APBB2: variants seen among roughly 807,000 people sequenced by gnomAD.
APBB2 encodes amyloid beta precursor protein binding family B member 2.
APBB2 carries 38 observed loss-of-function variants against 82.5 expected under a neutral mutation model. That is an observed-to-expected ratio of 0.46 (90% CI 0.36 to 0.60). The LOEUF (loss-of-function observed/expected upper bound fraction) is 0.60, where lower values mean the gene tolerates loss of function less well. Ranked by LOEUF, APBB2 falls within the 20% of genes least tolerant of loss-of-function variation. APBB2 has a pLI of 0.00. For synonymous variants in APBB2, 341 were observed against 368.2 expected (o/e 0.93, Z 0.85); for missense variants, 772 against 972.3 (o/e 0.79, Z 2.74).
At chr4:41,062,751 G>T (rs1399750740) in intron 4 of APBB2, among the ~76,000 whole-genome samples, 1 of 152,156 alleles carries the variant, frequency 6.6e-6, no homozygotes, top group African/African-American at 2.4e-5. Flanking sequence ...CTCAGCAGAG[G>T]CCTCGGGGCA....
chr4:41,049,957 A>G (rs1725331467), intron 4 of APBB2, among the ~76,000 whole-genome samples: 1 of 152,062 alleles, frequency 6.6e-6, no homozygotes, highest in Non-Finnish European at 1.5e-5. Flanking sequence ...CCTAATCTCA[A>G]GTACCCAGGG....
intron 6 of APBB2, among the ~76,000 whole-genome samples, chr4:40,985,132 C>T (rs2154406659): frequency 6.6e-6 from 1 of 152,022 alleles, no homozygotes; most frequent in South Asian, 2.1e-4. Flanking sequence ...CCAGGCTGGT[C>T]TCAGACTTCT....
intron 3 of APBB2, among the ~76,000 whole-genome samples, 175 bp downstream of exon 3, chr4:41,100,463 GT>G (rs34128168): frequency 0.24 from 35,896 of 147,696 alleles, 4,607 homozygotes; most frequent in Non-Finnish European, 0.3. Context: ...TCTCTTGCAA[GT>G]TTTTTTTTTT....
chr4:40,862,589 C>T (rs1763012092), intron 12 of APBB2, among the ~76,000 whole-genome samples: 1 of 152,140 alleles, frequency 6.6e-6, no homozygotes, highest in South Asian at 2.1e-4. Context: ...AGCCGGGCAC[C>T]GCGGCTCACG....
At chr4:40,979,949 T>C (rs901213181) in intron 6 of APBB2, among the ~76,000 whole-genome samples, 12 of 152,222 alleles carry the variant, frequency 7.9e-5, no homozygotes, top group Admixed American at 2.0e-4. Flanking sequence ...TATGCGGCAA[T>C]AGAAAACTAA....
intron 4 of APBB2, among the ~76,000 whole-genome samples, chr4:41,051,184 A>T (rs1009117516): frequency 6.6e-6 from 1 of 152,182 alleles, no homozygotes; most frequent in Non-Finnish European, 1.5e-5. Flanking sequence ...TCCTGAGCTC[A>T]CACCCACAGA....
chr4:40,936,703 T>C (rs1374964270), intron 7 of APBB2, among the ~76,000 whole-genome samples: 3 of 152,240 alleles, frequency 2.0e-5, no homozygotes, highest in Non-Finnish European at 4.4e-5. Flanking sequence ...AATGGGAACT[T>C]AGACCACTAT....
chr4:40,973,998 C>T (rs73152361), intron 6 of APBB2, among the ~76,000 whole-genome samples: 39,608 of 151,680 alleles, frequency 0.26, 6,366 homozygotes, highest in East Asian at 0.57. Flanking sequence ...ATTACAGGCA[C>T]GCGCCACCAC....
In APBB2 at chr4:40,842,346, G is replaced by C. The variant is rs1455977108; in HGVS notation, c.1530-11769C>G. On this transcript the variant is annotated intron_variant, in intron 12 of 17. Coordinates refer to ENST00000508593, the MANE Select transcript of APBB2 (RefSeq NM_004307.2). ...ACACGTTAAGACACCACGAAGGGGG[G>C]AGAAGTGAAAATCGGCCGGTTACCT... 1.1e-4 allele frequency: 49 copies of C among 455,478 alleles called. No homozygotes were observed. In the Admixed American group the frequency reaches 1.2e-3, roughly 11 times the overall value. The allele number at this position is 455,478 out of a possible 1,614,324, so 28.2% of individuals were successfully genotyped here. A position where few individuals can be genotyped will look rare whatever the true frequency, so the allele number is the denominator to read the frequency against.
intron 6 of APBB2, among the ~76,000 whole-genome samples, chr4:40,993,245 G>A (rs34585974): frequency 0.3 from 46,015 of 151,780 alleles, 7,579 homozygotes; most frequent in East Asian, 0.54. Context: ...TAAATATTCA[G>A]TGTTCATAGT....
At chr4:41,106,698 G>A (rs1353845477) in intron 2 of APBB2, among the ~76,000 whole-genome samples, 2 of 152,058 alleles carry the variant, frequency 1.3e-5, no homozygotes, top group African/African-American at 2.4e-5. Flanking sequence ...GGATGGTCTC[G>A]ATCTCCTGAC....
chr4:41,120,493 G>A (rs1339885752), intron 2 of APBB2, among the ~76,000 whole-genome samples: 2 of 152,136 alleles, frequency 1.3e-5, no homozygotes, highest in Non-Finnish European at 2.9e-5. Flanking sequence ...CAAAACTTAC[G>A]GGAAATTCAA....
chr4:40,863,136 C>T (rs752546183), intron 12 of APBB2, among the ~76,000 whole-genome samples: 13 of 152,204 alleles, frequency 8.5e-5, no homozygotes, highest in Non-Finnish European at 1.8e-4. Context: ...TCCTTGAAGG[C>T]AGCAACCATG....
At chr4:41,177,745 G>A (rs1441006398) in intron 1 of APBB2, 1 of 152,156 alleles carries the variant, frequency 6.6e-6, no homozygotes, top group Admixed American at 6.5e-5. Context: ...TGGTTGTTGG[G>A]AGTTAATATG....
intron 6 of APBB2, among the ~76,000 whole-genome samples, chr4:41,003,959 C>A (rs964819110): frequency 1.1e-4 from 16 of 152,230 alleles, no homozygotes; most frequent in Non-Finnish European, 8.8e-5. Context: ...GTGATCCGCC[C>A]ACCTTGGCCT....
chr4:41,036,393 A>C (rs1400758481), intron 4 of APBB2, among the ~76,000 whole-genome samples: 1 of 152,208 alleles, frequency 6.6e-6, no homozygotes, highest in African/African-American at 2.4e-5. Context: ...TAAAGTTAAG[A>C]ATTAGACATT....
intron 6 of APBB2, among the ~76,000 whole-genome samples, chr4:41,005,411 T>C (rs2154424179): frequency 6.6e-6 from 1 of 152,240 alleles, no homozygotes; most frequent in South Asian, 2.1e-4. Context: ...TTTTTTTGTT[T>C]GCTTGTTTTT....
intron 4 of APBB2, among the ~76,000 whole-genome samples, chr4:41,062,152 C>A (rs1307997014): frequency 8.0e-6 from 1 of 124,654 alleles, no homozygotes; most frequent in Non-Finnish European, 1.7e-5. Context: ...TTTCAACAAG[C>A]AAATCTTATT....
intron 3 of APBB2, among the ~76,000 whole-genome samples, chr4:41,086,012 C>G (rs1049229421): frequency 6.6e-5 from 10 of 152,120 alleles, no homozygotes; most frequent in Admixed American, 6.5e-4. Context: ...GACATTACCA[C>G]TGTTTCTACA....
Sources: allele counts gnomAD v4.1 joint callset (sites outside exome capture counted in the v4.1 genomes callset), GRCh38; gene constraint gnomAD v4.1.1; transcripts MANE v1.5; gene names NCBI Gene and HGNC (gene_info 2026-07-23, HGNC 2026-07-21).